The following GLS variants were observed in gnomAD, a reference collection of about 807,000 sequenced individuals.
The protein encoded by GLS is glutaminase, also known as glutaminase kidney isoform, mitochondrial.
A neutral mutation model predicts 86.7 loss-of-function variants in GLS; 36 were observed. The observed-to-expected ratio is 0.42, with a 90% CI of 0.32 to 0.55. The LOEUF (loss-of-function observed/expected upper bound fraction) is 0.55. Ranked by LOEUF, GLS falls within the 20% of genes least tolerant of loss-of-function variation. GLS has a pLI of 0.17. For synonymous variants in GLS, 317 were observed against 305.9 expected, an observed-to-expected ratio of 1.04 and a Z score of -0.38; for missense variants, 528 against 833.4, an observed-to-expected ratio of 0.63 and a Z score of 4.51.
At chr2:190,882,385 C>T (rs1280646377) in intron 1 of GLS, among the ~76,000 whole-genome samples, 2 of 152,152 alleles carry the variant, frequency 1.3e-5, no homozygotes, top group Non-Finnish European at 2.9e-5. Context: ...GCAAAGCAGT[C>T]TCCTATATAT....
At chr2:190,932,850 A>T in intron 14 of GLS, 1 of 1,533,154 alleles carries the variant, frequency 6.5e-7, no homozygotes, top group Non-Finnish European at 8.8e-7. Context: ...AAAGTCTGGG[A>T]GAGAAAAGCT....
chr2:190,954,733 T>G lies in GLS; in HGVS notation c.1790-22T>G. On this transcript the variant is annotated intron_variant, in intron 16 of 17. Coordinates refer to ENST00000320717, the MANE Select transcript of GLS (RefSeq NM_014905.5). The surrounding 1 kb of genome is among the most constrained non-coding windows in gnomAD (Gnocchi z 4.0). ...TACTTAGTACTAAAATCTGCTCTTTTTTTGGGGGTGGGACGGTATAGGTCA... is the reference window on the plus strand; with the variant it reads ...TACTTAGTACTAAAATCTGCTCTTTGTTTGGGGGTGGGACGGTATAGGTCA... 1 of 1,613,826 alleles carries G rather than the reference T, an allele frequency of 6.2e-7. No individual in the cohort carries two copies. Among genetic ancestry groups the G allele is most frequent in the Non-Finnish European group, 8.5e-7 (1 of 1,179,768 alleles).
At chr2:190,960,957 A>G (rs1690986241) in intron 17 of GLS, among the ~76,000 whole-genome samples, 1 of 152,160 alleles carries the variant, frequency 6.6e-6, no homozygotes, top group Non-Finnish European at 1.5e-5. Flanking sequence ...ATTGAAGAGC[A>G]TTTTCCTCCT....
At chr2:190,915,383 G>T (rs1399721312) in intron 7 of GLS, among the ~76,000 whole-genome samples, 1 of 152,004 alleles carries the variant, frequency 6.6e-6, no homozygotes. Context: ...AAATCATTTG[G>T]TGAGTGGATT....
intron 12 of GLS, 147 bp downstream of exon 12, chr2:190,927,629 A>G (rs1181147551): frequency 1.7e-6 from 1 of 594,746 alleles, no homozygotes; most frequent in Middle Eastern, 4.6e-4. Flanking sequence ...TTACAAGATT[A>G]GTAAGGAATA....
rs574211542 is a variant in GLS, at chr2:190,916,847, C to CT, written c.1039-4176dup. Reference sequence around the variant, plus strand: ...TAGTAAGTGTGCAGTAGTATTGCATCTAAAAAAAAACAGTGTGAATACCTT... The same window carrying CT: ...TAGTAAGTGTGCAGTAGTATTGCATCTTAAAAAAAAACAGTGTGAATACCTT... On this transcript the variant is annotated intron_variant, in intron 7 of 17. Coordinates refer to ENST00000320717, the MANE Select transcript of GLS (RefSeq NM_014905.5). Among the ~76,000 whole-genome samples the CT allele has an allele frequency of 1.1e-3, 165 of 151,692 alleles. 2 individuals are homozygous for CT. The South Asian group carries it at 0.032, about 30-fold the overall frequency.
chr2:190,949,752 C>T lies in GLS; in HGVS notation c.1651-3813C>T, dbSNP rs965549183. 1.3e-5 allele frequency among the ~76,000 whole-genome samples: 2 copies of T among 151,758 alleles called. No homozygotes were observed. Among genetic ancestry groups the T allele is most frequent in the African/African-American group, 4.8e-5 (2 of 41,284 alleles). The stretch of plus-strand genomic sequence containing the variant: ...GGAATTAATTTTGCAATTTAATACC[C>T]AAAATTGAATATTTGATGCCTTGAG... On this transcript the variant is annotated intron_variant, in intron 14 of 17. Transcript: ENST00000320717. The surrounding 1 kb of genome is among the most constrained non-coding windows in gnomAD (Gnocchi z 4.0).
intron 1 of GLS, among the ~76,000 whole-genome samples, chr2:190,891,468 TA>T (rs747523727): frequency 0.035 from 5,053 of 142,922 alleles, 104 homozygotes; most frequent in Non-Finnish European, 0.057. Flanking sequence ...CATGATAGGT[TA>T]AAAAAAAAAA....
chr2:190,906,730 T>G (rs1419650138), intron 6 of GLS, among the ~76,000 whole-genome samples: 1 of 152,168 alleles, frequency 6.6e-6, no homozygotes, highest in Non-Finnish European at 1.5e-5. Context: ...GCAAAAACAA[T>G]TTGAAGATCT....
chr2:190,956,420 G>C lies in GLS; in HGVS notation c.1853+1602G>C, dbSNP rs1690862345. ...AAAGATCAGATGGTTGTAGATGTGT[G>C]CTGTTATTTCTGAGGCCTCAGTTCT... On this transcript the variant is annotated intron_variant, in intron 17 of 17. Transcript: ENST00000320717. This position sits in a 1 kb window ranked among gnomAD's most constrained non-coding sequence, Gnocchi z 4.2. Among the ~76,000 whole-genome samples the C allele has an allele frequency of 6.6e-6, 1 of 152,116 alleles. No homozygotes were observed. Among genetic ancestry groups the C allele is most frequent in the Admixed American group, 6.5e-5 (1 of 15,272 alleles).
intron 14 of GLS, chr2:190,934,304 C>T: frequency 1.0e-6 from 1 of 964,358 alleles, no homozygotes; most frequent in Non-Finnish European, 1.2e-6. Context: ...ATCATAATGT[C>T]TTAAGTTTGG....
intron 1 of GLS, among the ~76,000 whole-genome samples, chr2:190,894,112 A>G (rs1288166689): frequency 6.6e-6 from 1 of 152,172 alleles, no homozygotes; most frequent in African/African-American, 2.4e-5. Flanking sequence ...TTCTTTTAAT[A>G]GTCTTTATGA....
chr2:190,931,143 A>G (rs148265823), intron 13 of GLS, among the ~76,000 whole-genome samples: 4,451 of 152,218 alleles, frequency 0.029, 85 homozygotes, highest in Middle Eastern at 0.072. Context: ...AAATTGTTTT[A>G]TTTTCCAGTC....
chr2:190,941,876 T>C (rs1034875546), intron 14 of GLS, among the ~76,000 whole-genome samples: 5 of 152,018 alleles, frequency 3.3e-5, no homozygotes, highest in Non-Finnish European at 5.9e-5. Flanking sequence ...GTCTTAATTT[T>C]AAAATACAGC....
Position 190,955,676 on chromosome 2 carries a change from T to C in GLS, c.1853+858T>C, listed in dbSNP as rs551839283. ...GGATTGCTGGATCAAATGGTATTTC[T>C]GGTTCTAGATCCTTGAGGAATCACC... On this transcript the variant is annotated intron_variant, in intron 17 of 17. Transcript: ENST00000320717. The surrounding 1 kb of genome is among the most constrained non-coding windows in gnomAD (Gnocchi z 5.6). Among the ~76,000 whole-genome samples, 25 of 152,364 alleles carry C rather than the reference T, an allele frequency of 1.6e-4. 1 individual carries two copies. The South Asian group carries it at 5.0e-3, about 30-fold the overall frequency.
At chr2:190,937,325 C>G (rs997726408) in intron 14 of GLS, among the ~76,000 whole-genome samples, 4 of 150,944 alleles carry the variant, frequency 2.6e-5, no homozygotes, top group Non-Finnish European at 5.9e-5. Context: ...TATTTTATAC[C>G]CCAACCTCCA....
intron 3 of GLS, among the ~76,000 whole-genome samples, chr2:190,900,207 G>C (rs1688892740): frequency 1.3e-5 from 2 of 152,114 alleles, no homozygotes; most frequent in African/African-American, 4.8e-5. Flanking sequence ...CTCAACCTTG[G>C]CAGTCTGAAT....
chr2:190,941,916 G>A (rs890873958), intron 14 of GLS, among the ~76,000 whole-genome samples: 1 of 151,910 alleles, frequency 6.6e-6, no homozygotes, highest in Non-Finnish European at 1.5e-5. Flanking sequence ...CCTACAGTTG[G>A]ATTCAAAAAT....
At chr2:190,918,795 G>A (rs546997041) in intron 7 of GLS, among the ~76,000 whole-genome samples, 1 of 152,244 alleles carries the variant, frequency 6.6e-6, no homozygotes, top group South Asian at 2.1e-4. Flanking sequence ...AGAGGCCATA[G>A]TAGGGTTATT....
Sources: gnomAD v4.1 joint callset for allele counts (sites outside exome capture counted in the v4.1 genomes callset) on GRCh38, gnomAD v4.1.1 for gene constraint, Gnocchi (gnomAD v3.1) non-coding constraint, MANE v1.5 for transcripts, NCBI Gene and HGNC (gene_info 2026-07-23, HGNC 2026-07-21) for gene names.